The following BICRA variants were observed in gnomAD, a reference collection of about 807,000 sequenced individuals.
BICRA encodes the protein BRD4-interacting chromatin-remodeling complex-associated protein.
In BICRA, 31 loss-of-function variants were observed where a neutral mutation model predicts 96.9. The ratio of observed to expected loss-of-function variants is 0.32; its 90% CI spans 0.24 to 0.43. The LOEUF is 0.43. BICRA is among the 20% of genes least tolerant of loss of function. The probability of loss-of-function intolerance (pLI) is 1.00; values close to 1 mark genes in which losing one functional copy is unlikely to be tolerated. For synonymous variants in BICRA, 1,350 were observed against 1,071.8 expected (o/e 1.26, Z -5.07); for missense variants, 2,283 against 2,190.3 (o/e 1.04, Z -0.84).
rs578258474 is a variant in BICRA at position 47,696,354 on chromosome 19, C to T, written c.3187-97C>T. ...GCCCCCACCTGGGTGAGACACTGGT[C>T]CCCTGTCCCGTCTTTATCCTAGGCT... On this transcript the variant is annotated intron_variant, in intron 10 of 14. Coordinates refer to ENST00000594866, the MANE Select transcript of BICRA (RefSeq NM_001394372.1). The T allele has an allele frequency of 5.0e-5, 57 of 1,136,696 alleles. No homozygotes were observed. In the East Asian group the frequency reaches 1.1e-3, roughly 23 times the overall value. The allele number at this position is 1,136,696 out of a possible 1,614,324, so 70.4% of individuals were successfully genotyped here. A position where few individuals can be genotyped will look rare whatever the true frequency, so the allele number is the denominator to read the frequency against.
intron 1 of BICRA, among the ~76,000 whole-genome samples, chr19:47,637,831 G>A (rs572069313): frequency 2.0e-5 from 3 of 152,182 alleles, no homozygotes; most frequent in South Asian, 2.1e-4. Context: ...TTCTCTCTGC[G>A]TCATGTTTTC....
intron 1 of BICRA, among the ~76,000 whole-genome samples, chr19:47,639,030 G>A (rs572143329): frequency 6.6e-6 from 1 of 151,816 alleles, no homozygotes; most frequent in Non-Finnish European, 1.5e-5. Context: ...TTGAGACAGG[G>A]TCTCGCTCTG....
chr19:47,631,504 A>G (rs1328626433), intron 1 of BICRA, among the ~76,000 whole-genome samples: 2 of 152,026 alleles, frequency 1.3e-5, no homozygotes, highest in African/African-American at 4.8e-5. Flanking sequence ...CTGGGATTAT[A>G]GGCATGAGCC....
At chr19:47,613,910 G>A (rs1283262998) in intron 1 of BICRA, among the ~76,000 whole-genome samples, 1 of 151,798 alleles carries the variant, frequency 6.6e-6, no homozygotes, top group African/African-American at 2.4e-5. Context: ...GTGTATGAGT[G>A]TATGTATTCA....
intron 2 of BICRA, among the ~76,000 whole-genome samples, chr19:47,671,894 TAGATGGATGGAG>T (rs1747027304): frequency 8.4e-6 from 1 of 119,760 alleles, no homozygotes; most frequent in Admixed American, 9.9e-5. Flanking sequence ...GATGGGTAGG[TAGATGGATGGAG>T]AGATGGGTAA....
chr19:47,666,444 TG>T (rs1329493398), intron 1 of BICRA, among the ~76,000 whole-genome samples: 1 of 151,722 alleles, frequency 6.6e-6, no homozygotes, highest in Non-Finnish European at 1.5e-5. Flanking sequence ...CACACCCAGC[TG>T]TTTTGTATTT....
In BICRA at chr19:47,701,783, C is replaced by A; in HGVS notation, c.4051C>A (p.Pro1351Thr). Residue 1351 changes from proline to threonine, a missense_variant, in exon 15 of 15, where the codon CCA (proline) becomes ACA (threonine). Transcript: ENST00000594866. The surrounding 1 kb of genome is among the most constrained non-coding windows in gnomAD (Gnocchi z 5.4). ...GGCCGAGCCCCCGCCACGGCCGCCA[C>A]CACCACCGCCGCCCACGGGCCAGAT... ...KVAEPPPRPP[P>T]PPPPTGQMNG... 6.5e-7 allele frequency: 1 copy of A among 1,539,644 alleles called. No homozygotes were observed. Among genetic ancestry groups the A allele is most frequent in the Non-Finnish European group, 8.7e-7 (1 of 1,143,534 alleles).
At chr19:47,619,466 C>T (rs1401181238) in intron 1 of BICRA, among the ~76,000 whole-genome samples, 2 of 152,074 alleles carry the variant, frequency 1.3e-5, no homozygotes, top group African/African-American at 4.8e-5. Context: ...ACCATGTTGG[C>T]CAGGCTGGTC....
chr19:47,695,560 T>A (rs2241612), intron 10 of BICRA, 86 bp downstream of exon 10: 529,017 of 688,516 alleles, frequency 0.77, 205,219 homozygotes, highest in East Asian at 0.96. Flanking sequence ...AGGGAGACAC[T>A]GGAAGACGCG....
intron 1 of BICRA, among the ~76,000 whole-genome samples, chr19:47,669,691 C>G (rs1972834073): frequency 6.6e-6 from 1 of 152,078 alleles, no homozygotes; most frequent in Non-Finnish European, 1.5e-5. Flanking sequence ...GAGTCTCACT[C>G]TGTCGCCCAG....
At chr19:47,637,646 A>AT (rs1972320022) in intron 1 of BICRA, among the ~76,000 whole-genome samples, 2 of 152,106 alleles carry the variant, frequency 1.3e-5, no homozygotes, top group African/African-American at 4.8e-5. Context: ...GTTTGAGAAC[A>AT]TTTTTTCTCA....
At chr19:47,667,208 C>G (rs892297931) in intron 1 of BICRA, among the ~76,000 whole-genome samples, 1 of 152,036 alleles carries the variant, frequency 6.6e-6, no homozygotes, top group Admixed American at 6.6e-5. Flanking sequence ...TTAGTAGAGA[C>G]GGGGTTTCAC....
chr19:47,672,249 G>A (rs1972878110), intron 2 of BICRA, among the ~76,000 whole-genome samples: 1 of 148,158 alleles, frequency 6.7e-6, no homozygotes, highest in South Asian at 2.2e-4. Flanking sequence ...GGAGGGATGG[G>A]TGGGTAGATG....
At chr19:47,667,321 A>G (rs562919324) in intron 1 of BICRA, among the ~76,000 whole-genome samples, 40 of 152,214 alleles carry the variant, frequency 2.6e-4, no homozygotes, top group African/African-American at 9.4e-4. Flanking sequence ...GGCCCTATTC[A>G]TGTCTTTAGT....
chr19:47,701,866 C>G lies in BICRA; in HGVS notation c.4134C>G (p.Thr1378=), dbSNP rs1208141182. 1 of 1,479,100 alleles carries G rather than the reference C, an allele frequency of 6.8e-7. No individual in the cohort carries two copies. Among genetic ancestry groups the G allele is most frequent in the Non-Finnish European group, 8.9e-7 (1 of 1,121,240 alleles). 91.6% of individuals were successfully genotyped at this position (1,479,100 alleles called of 1,614,324 possible). A position where few individuals can be genotyped will look rare whatever the true frequency, so the allele number is the denominator to read the frequency against. ...PAAPERKPLG[T]APHCPRLPLR... is the part of the protein sequence containing the mutation. ...CCCCCGAGCGCAAGCCCCTGGGCAC[C>G]GCCCCGCACTGCCCGCGCCTGCCAC... Residue 1378 remains threonine, a synonymous_variant, in exon 15 of 15, where the codon ACC becomes ACG. Transcript: ENST00000594866. This position sits in a 1 kb window ranked among gnomAD's most constrained non-coding sequence, Gnocchi z 5.4.
At chr19:47,645,416 G>A (rs911122312) in intron 1 of BICRA, among the ~76,000 whole-genome samples, 1 of 152,154 alleles carries the variant, frequency 6.6e-6, no homozygotes, top group Non-Finnish European at 1.5e-5. Flanking sequence ...GGACATTCTG[G>A]TTCCTTTCCA....
At chr19:47,626,573 T>G (rs77269254) in intron 1 of BICRA, among the ~76,000 whole-genome samples, 60 of 141,578 alleles carry the variant, frequency 4.2e-4, no homozygotes, top group Non-Finnish European at 8.7e-4. Flanking sequence ...ATTTTTTGGT[T>G]TTTTTTTTTT....
chr19:47,695,192 C>A, intron 9 of BICRA, 112 bp downstream of exon 9: 1 of 830,624 alleles, frequency 1.2e-6, no homozygotes, highest in Non-Finnish European at 1.9e-6. Context: ...CACAGGGCAT[C>A]AGCCAGAACT....
intron 7 of BICRA, among the ~76,000 whole-genome samples, chr19:47,684,721 C>T (rs1257235133): frequency 6.6e-6 from 1 of 152,162 alleles, no homozygotes; most frequent in East Asian, 1.9e-4. Flanking sequence ...ATTAGCTTGC[C>T]CAAGGTTGCA....
Sources: allele counts gnomAD v4.1 joint callset (sites outside exome capture counted in the v4.1 genomes callset), GRCh38; gene constraint gnomAD v4.1.1; non-coding constraint Gnocchi (gnomAD v3.1); transcripts MANE v1.5; gene names NCBI Gene and HGNC (gene_info 2026-07-23, HGNC 2026-07-21).